Variants in AMBRA1 observed in about 807,000 individuals in gnomAD.
The protein encoded by AMBRA1 is activating molecule in BECN1-regulated autophagy protein 1.
Under a neutral mutation model 125.4 loss-of-function variants are expected in AMBRA1, and 47 were observed. The ratio of observed to expected loss-of-function variants is 0.37; its 90% confidence interval spans 0.30 to 0.48. AMBRA1 has a LOEUF of 0.48. AMBRA1 is among the 20% of genes least tolerant of loss of function. The pLI, the probability that AMBRA1 is intolerant of heterozygous loss-of-function variation, is 0.99. For synonymous variants in AMBRA1, 626 were observed against 655.5 expected (o/e 0.95, Z 0.69); for missense variants, 1,331 against 1,693.4 (o/e 0.79, Z 3.76).
intron 7 of AMBRA1, among the ~76,000 whole-genome samples, chr11:46,517,609 T>C (rs1412783971): frequency 3.6e-5 from 5 of 140,016 alleles, no homozygotes; most frequent in Non-Finnish European, 6.2e-5. Context: ...CTGAGGCAGG[T>C]GGATCACGAG....
chr11:46,452,551 T>A (rs1340845289), intron 11 of AMBRA1, among the ~76,000 whole-genome samples: 16 of 152,214 alleles, frequency 1.1e-4, no homozygotes. Flanking sequence ...GGCTTCTGTT[T>A]ACAAAAAATA....
intron 12 of AMBRA1, 147 bp downstream of exon 12, chr11:46,443,341 A>G (rs866356414): frequency 4.7e-6 from 3 of 638,120 alleles, no homozygotes; most frequent in African/African-American, 3.6e-5. Flanking sequence ...ACCTGAAAAG[A>G]AAGTTACAGA....
intron 1 of AMBRA1, among the ~76,000 whole-genome samples, chr11:46,590,095 G>A (rs1591209924): frequency 1.3e-5 from 2 of 151,896 alleles, no homozygotes; most frequent in South Asian, 2.1e-4. Context: ...ATGTATGGCC[G>A]AGCGAGGTGG....
rs758463257 is a variant in AMBRA1 at position 46,401,776 on chromosome 11, C to T, written c.3404-3833G>A. Among the ~76,000 whole-genome samples, 70 of 152,322 alleles carry T rather than the reference C, an allele frequency of 4.6e-4. 1 individual carries two copies. The highest frequency in any genetic ancestry group is 1.2e-4 in the Non-Finnish European group (8 of 68,022). ...TCTTGCTTCCAGTCTCCTCCCCTTC[C>T]GTCTAGTCTCCACACTGTTCCTATT... On this transcript the variant is annotated intron_variant, in intron 17 of 17. Coordinates refer to ENST00000683756, the MANE Select transcript of AMBRA1 (RefSeq NM_001387011.1).
At chr11:46,522,189 T>C (rs1951791063) in intron 7 of AMBRA1, among the ~76,000 whole-genome samples, 1 of 152,238 alleles carries the variant, frequency 6.6e-6, no homozygotes, top group Non-Finnish European at 1.5e-5. Flanking sequence ...TATGACCCTC[T>C]GCTAACTGTC....
chr11:46,436,463 G>A (rs1484284593), intron 12 of AMBRA1, among the ~76,000 whole-genome samples: 1 of 152,228 alleles, frequency 6.6e-6, no homozygotes, highest in Non-Finnish European at 1.5e-5. Context: ...CACAAGGATG[G>A]TTCTGTTTGC....
chr11:46,575,586 G>A (rs1317479476), intron 1 of AMBRA1, among the ~76,000 whole-genome samples: 3 of 140,786 alleles, frequency 2.1e-5, no homozygotes, highest in Non-Finnish European at 3.0e-5. Context: ...GTATGATCTC[G>A]GCTCACTGCA....
chr11:46,397,812 C>G lies in AMBRA1; in HGVS notation c.3535G>C (p.Gly1179Arg). The G allele has an allele frequency of 6.2e-7, 1 of 1,606,940 alleles. No individual in the cohort carries two copies. Among genetic ancestry groups the G allele is most frequent in the Non-Finnish European group, 8.5e-7 (1 of 1,179,982 alleles). The change falls in exon 18 of 18, where the codon GGC (glycine) becomes CGC (arginine). Residue 1179 changes from glycine to arginine, a missense_variant. Gly to Arg is a moderately radical substitution (Grantham distance 125). Around this residue, in one of 4 missense-constraint regions of AMBRA1, gnomAD observed 354 missense variants for 532.7 expected, o/e 0.66. Transcript: ENST00000683756. ...CGGTGGCTGACGATGATGTTGTTGC[C>G]GAAGCCGCCCATGGAGGCCATGGTG... Reference protein sequence around the residue: ...STTMASMGGFGNNIIVSHRIH... With the variant: ...STTMASMGGFRNNIIVSHRIH...
At chr11:46,578,874 C>G (rs1275092223) in intron 1 of AMBRA1, among the ~76,000 whole-genome samples, 4 of 82,526 alleles carry the variant, frequency 4.8e-5, no homozygotes, top group Non-Finnish European at 8.3e-5. Flanking sequence ...GACAGAGAGA[C>G]TCAGTCTCAA....
intron 1 of AMBRA1, among the ~76,000 whole-genome samples, chr11:46,559,669 C>A (rs1710394663): frequency 6.6e-6 from 1 of 152,104 alleles, no homozygotes; most frequent in Non-Finnish European, 1.5e-5. Context: ...ATCCTGCAAT[C>A]TGGGGATATA....
chr11:46,553,555 G>A (rs562927797), intron 1 of AMBRA1, among the ~76,000 whole-genome samples: 1 of 152,054 alleles, frequency 6.6e-6, no homozygotes, highest in Admixed American at 6.5e-5. Flanking sequence ...GACCAGCCTG[G>A]CCAACATAGT....
intron 12 of AMBRA1, among the ~76,000 whole-genome samples, chr11:46,436,195 A>G (rs1947709636): frequency 6.6e-6 from 1 of 152,242 alleles, no homozygotes. Context: ...TAATCCAAAA[A>G]AAGTCAAGGG....
intron 14 of AMBRA1, among the ~76,000 whole-genome samples, chr11:46,424,753 T>C (rs187177887): frequency 1.8e-3 from 275 of 152,262 alleles, no homozygotes; most frequent in African/African-American, 6.2e-3. Context: ...GGTGGGAGGA[T>C]TGCTTGAGCC....
Position 46,543,148 on chromosome 11 carries a change from AG to A in AMBRA1, c.868del (p.Leu290SerfsTer76). 1 of 1,564,268 alleles carries A rather than the reference AG, an allele frequency of 6.4e-7. No individual in the cohort carries two copies. Among genetic ancestry groups the A allele is most frequent in the South Asian group, 1.1e-5 (1 of 87,014 alleles). Reference sequence around the variant, plus strand: ...TGTGGGGTAACTGACCCGCTGTCGGAGCCTGATGTAAGCGGAAGTCCTGGGG... The same window carrying A: ...TGTGGGGTAACTGACCCGCTGTCGGACCTGATGTAAGCGGAAGTCCTGGGG... Reference protein sequence around the residue: ...ERPRTSAYIRLRQRVSYPTAE... With the variant: ...ERPRTSAYIRXRQRVSYPTAE... On this transcript the variant is annotated frameshift_variant, in exon 7 of 18. Transcript: ENST00000683756. LOFTEE classifies it high-confidence loss of function.
intron 1 of AMBRA1, among the ~76,000 whole-genome samples, chr11:46,583,536 A>G (rs1455989327): frequency 1.4e-5 from 2 of 145,510 alleles, no homozygotes; most frequent in East Asian, 2.0e-4. Context: ...CTGCACAGCA[A>G]AAGAAACTAC....
At chr11:46,578,600 A>G (rs2044050477) in intron 1 of AMBRA1, among the ~76,000 whole-genome samples, 1 of 151,840 alleles carries the variant, frequency 6.6e-6, no homozygotes, top group East Asian at 1.9e-4. Context: ...ATAGAAAACA[A>G]TGGCGGGGCA....
chr11:46,518,621 T>C (rs1005417593), intron 7 of AMBRA1, among the ~76,000 whole-genome samples: 1 of 152,052 alleles, frequency 6.6e-6, no homozygotes, highest in African/African-American at 2.4e-5. Flanking sequence ...AGACAAAGCC[T>C]AAAATACCTA....
At chr11:46,526,540 T>A (rs1436713385) in intron 7 of AMBRA1, among the ~76,000 whole-genome samples, 3 of 140,990 alleles carry the variant, frequency 2.1e-5, no homozygotes, top group Non-Finnish European at 3.1e-5. Flanking sequence ...AAAAAAAAAA[T>A]TAAAATTAAA....
intron 1 of AMBRA1, among the ~76,000 whole-genome samples, chr11:46,578,806 G>A (rs1212629102): frequency 3.4e-5 from 5 of 145,458 alleles, no homozygotes; most frequent in Non-Finnish European, 7.5e-5. Context: ...GTGTGAACCC[G>A]GGAGGTGGAG....
Sources: gnomAD v4.1 joint callset for allele counts (sites outside exome capture counted in the v4.1 genomes callset) on GRCh38, gnomAD v4.1.1 for gene constraint, gnomAD v4.1.1 regional missense constraint, MANE v1.5 for transcripts, NCBI Gene and HGNC (gene_info 2026-07-23, HGNC 2026-07-21) for gene names.